CCNB3: variants seen among roughly 807,000 people sequenced by gnomAD.
The protein encoded by CCNB3 is G2/mitotic-specific cyclin-B3.
In CCNB3, 12 loss-of-function variants were observed where a neutral mutation model predicts 68.0. That is an observed-to-expected ratio of 0.18 (90% CI 0.11 to 0.29). The LOEUF (loss-of-function observed/expected upper bound fraction) is 0.29. Among genes scored for constraint, CCNB3 ranks in the 10% least tolerant of loss-of-function variants. The pLI is 1.00. For synonymous variants in CCNB3, 354 were observed against 388.9 expected (o/e 0.91, Z 1.06); for missense variants, 904 against 993.1 (o/e 0.91, Z 1.21).
At chrX:50,341,329 C>CAATAAATAAATAAATA (rs199995900) in intron 8 of CCNB3, among the ~76,000 whole-genome samples, 18 of 86,712 alleles carry the variant, frequency 2.1e-4, no homozygotes, top group South Asian at 1.3e-3. Flanking sequence ...AACTCCGTCT[C>CAATAAATAAATAAATA]AATAAATAAA....
chrX:50,311,635 G>A (rs1055961146), intron 6 of CCNB3, 139 bp downstream of exon 6: 56 of 460,627 alleles, frequency 1.2e-4, no homozygotes, highest in Non-Finnish European at 1.8e-4. Flanking sequence ...AAGCAGTTGA[G>A]CCATATATAG....
At position 50,288,764 on chromosome X, in the gene CCNB3, T is replaced by G; in HGVS notation, c.97-16T>G. On this transcript the variant is annotated splice_polypyrimidine_tract_variant and intron_variant, in intron 3 of 12. Coordinates refer to ENST00000376042, the MANE Select transcript of CCNB3 (RefSeq NM_033031.3). ...TCACAATTGGATATACTCATTTACCTCTTTTACTTTTTTAGACGGGGGAGA... is the reference window on the plus strand; with the variant it reads ...TCACAATTGGATATACTCATTTACCGCTTTTACTTTTTTAGACGGGGGAGA... 1.7e-6 allele frequency: 2 copies of G among 1,149,896 alleles called. No homozygotes were observed. The highest frequency in any genetic ancestry group is 2.4e-6 in the Non-Finnish European group (2 of 840,765). The allele number at this position is 1,149,896 out of a possible 1,213,427, so 94.8% of individuals were successfully genotyped here.
intron 5 of CCNB3, among the ~76,000 whole-genome samples, chrX:50,302,219 C>T (rs1052473679): frequency 1.4e-4 from 16 of 111,965 alleles, no homozygotes; most frequent in Admixed American, 8.5e-4. Context: ...CCGTCTTCTG[C>T]GTTGCTCATG....
chrX:50,211,502 C>T (rs1382917016), intron 1 of CCNB3, among the ~76,000 whole-genome samples: 1 of 110,877 alleles, frequency 9.0e-6, no homozygotes, highest in Non-Finnish European at 1.9e-5. Flanking sequence ...AAACCTCGGT[C>T]TCTACCAAAC....
chrX:50,315,898 G>A (rs573018025), intron 8 of CCNB3, among the ~76,000 whole-genome samples: 8 of 111,496 alleles, frequency 7.2e-5, no homozygotes, highest in East Asian at 2.8e-4. Context: ...ACTACTCACC[G>A]TAATTCCCTT....
intron 8 of CCNB3, among the ~76,000 whole-genome samples, chrX:50,336,213 T>C (rs940369289): frequency 1.3e-4 from 15 of 112,094 alleles, no homozygotes; most frequent in African/African-American, 4.9e-4. Flanking sequence ...TTTCCTTCAG[T>C]TGGGGACACT....
Position 50,347,439 on chromosome X carries a change from A to G in CCNB3, c.3811-187A>G, listed in dbSNP as rs782575268. Among the ~76,000 whole-genome samples, 11 of 109,978 alleles carry G rather than the reference A, an allele frequency of 1.0e-4. No homozygotes were observed. In the East Asian group the frequency reaches 3.2e-3, roughly 32 times the overall value. ...GGTGGCAAATCCCACTGACTGTTTC[A>G]GAATCCCCCCTAAAGAGTCTGTTTT... On this transcript the variant is annotated intron_variant, in intron 10 of 12. Coordinates refer to ENST00000376042, the MANE Select transcript of CCNB3 (RefSeq NM_033031.3).
rs1182405747 is a variant in CCNB3, at chrX:50,338,951, C to T, written c.3517-3251C>T. On this transcript the variant is annotated intron_variant, in intron 8 of 12. Transcript: ENST00000376042. ...AAATGTTTCTATCCTCTGCCCATTT[C>T]CCAGTTCCAAAGTTGCTTCCATATT... is the stretch of plus-strand genomic sequence containing the variant. Among the ~76,000 whole-genome samples the T allele has an allele frequency of 2.7e-5, 3 of 112,139 alleles. No homozygotes were observed. In the South Asian group the frequency reaches 1.1e-3, roughly 42 times the overall value.
chrX:50,305,546 C>T (rs1283814330), intron 5 of CCNB3, among the ~76,000 whole-genome samples: 1 of 110,093 alleles, frequency 9.1e-6, no homozygotes, highest in Non-Finnish European at 1.9e-5. Flanking sequence ...AGGAGATATA[C>T]CTAATGTTAA....
At chrX:50,228,168 A>G (rs1042356761) in intron 1 of CCNB3, among the ~76,000 whole-genome samples, 14 of 92,104 alleles carry the variant, frequency 1.5e-4, no homozygotes, top group African/African-American at 4.7e-4. Context: ...CATAGAATGC[A>G]TATATAAATA....
At chrX:50,338,877 A>G (rs1922987383) in intron 8 of CCNB3, among the ~76,000 whole-genome samples, 1 of 112,245 alleles carries the variant, frequency 8.9e-6, no homozygotes, top group South Asian at 3.7e-4. Context: ...ACCTGTCTCT[A>G]AGAAGTTTCA....
chrX:50,289,491 T>TA (rs1411428042), intron 4 of CCNB3, among the ~76,000 whole-genome samples: 1 of 111,565 alleles, frequency 9.0e-6, no homozygotes, highest in African/African-American at 3.3e-5. Context: ...AAGGTACCAG[T>TA]AAAAATCAGA....
intron 5 of CCNB3, 86 bp downstream of exon 5, chrX:50,295,079 A>C: frequency 1.0e-6 from 1 of 992,469 alleles, no homozygotes; most frequent in East Asian, 3.1e-5. Context: ...ATATTTAGCA[A>C]GCCACAATGG....
chrX:50,227,229 T>C (rs1484714028), intron 1 of CCNB3, among the ~76,000 whole-genome samples: 890 of 81,198 alleles, frequency 0.011, 9 homozygotes, highest in African/African-American at 0.042. Context: ...AGAATATATA[T>C]ATAAATATAT....
Position 50,351,839 on chromosome X carries a change from G to T in CCNB3, c.*136G>T. Reference sequence around the variant, plus strand: ...TGATAATGTTATAAATATTTATGTTGCTTGTTTTTATGAAAGAAAAAATAT... The same window carrying T: ...TGATAATGTTATAAATATTTATGTTTCTTGTTTTTATGAAAGAAAAAATAT... On this transcript the variant is annotated 3_prime_UTR_variant, in exon 13 of 13. Transcript: ENST00000376042. 2 of 420,200 alleles carry T rather than the reference G, an allele frequency of 4.8e-6. No homozygotes were observed. The highest frequency in any genetic ancestry group is 4.2e-5 in the East Asian group (1 of 24,015). The allele number at this position is 420,200 out of a possible 1,213,427, so 34.6% of individuals were successfully genotyped here.
chrX:50,284,780 C>G (rs1261495130), intron 2 of CCNB3, among the ~76,000 whole-genome samples, 164 bp downstream of exon 2: 4 of 111,454 alleles, frequency 3.6e-5, no homozygotes, highest in East Asian at 2.8e-4. Context: ...CCCAGTGTTG[C>G]TAGGCCTAAA....
intron 5 of CCNB3, 74 bp from the exon 6 acceptor site, chrX:50,308,431 A>G: frequency 1.5e-6 from 1 of 687,613 alleles, no homozygotes; most frequent in Non-Finnish European, 2.2e-6. Flanking sequence ...TAGTAAATAT[A>G]GCAACAAAAG....
rs6614336 is a variant in CCNB3, at chrX:50,311,170, G to C, written c.3001G>C (p.Gly1001Arg). Residue 1001 changes from glycine to arginine, a missense_variant, in exon 6 of 13, where the codon GGT becomes CGT. By Grantham distance (125) the Gly-to-Arg change is moderately radical. Transcript: ENST00000376042. ...IATMTSVGKSGTINEAFLFED... is the reference protein window; with the variant it reads ...IATMTSVGKSRTINEAFLFED... ...TACCATGACCAGTGTGGGCAAATCT[G>C]GTACCATCAATGAGGCATTCCTCTT... The C allele has an allele frequency of 1.7e-3, 1,996 of 1,182,666 alleles. 48 individuals are homozygous for C. In the East Asian group the frequency reaches 0.058, roughly 35 times the overall value.
chrX:50,226,136 A>C (rs1427027590), intron 1 of CCNB3, among the ~76,000 whole-genome samples: 55 of 78,295 alleles, frequency 7.0e-4, no homozygotes, highest in Non-Finnish European at 1.2e-3. Context: ...GATATATATA[A>C]ATATATATTC....
Sources: gnomAD v4.1 joint callset for allele counts (sites outside exome capture counted in the v4.1 genomes callset) on GRCh38, gnomAD v4.1.1 for gene constraint, MANE v1.5 for transcripts, NCBI Gene and HGNC (gene_info 2026-07-23, HGNC 2026-07-21) for gene names.